GRIK5: variants seen among roughly 807,000 people sequenced by gnomAD.
The protein encoded by GRIK5 is glutamate ionotropic receptor kainate type subunit 5, also known as glutamate receptor ionotropic, kainate 5.
Under a neutral mutation model 97.4 loss-of-function variants are expected in GRIK5, and 43 were observed. That is an observed-to-expected ratio of 0.44 (90% CI 0.35 to 0.57). GRIK5 has a LOEUF of 0.57. Among genes scored for constraint, GRIK5 ranks in the 20% least tolerant of loss-of-function variants. The pLI is 0.01. For synonymous variants in GRIK5, 580 were observed against 583.5 expected (o/e 0.99, Z 0.09); for missense variants, 1,015 against 1,382.0 (o/e 0.73, Z 4.21).
At position 42,022,591 on chromosome 19, in the gene GRIK5, C is replaced by T. The variant is rs2075714481; in HGVS notation, c.1474-237G>A. On this transcript the variant is annotated intron_variant, in intron 12 of 19. Transcript: ENST00000593562. The surrounding 1 kb of genome is among the most constrained non-coding windows in gnomAD (Gnocchi z 4.2). ...CGTCTCCAGACACACTGACTCCGTCCCCTAGGCCTCAACTGTGTCCCAGCA... is the reference window on the plus strand; with the variant it reads ...CGTCTCCAGACACACTGACTCCGTCTCCTAGGCCTCAACTGTGTCCCAGCA... The T allele has an allele frequency of 1.0e-6, 1 of 984,970 alleles. No homozygotes were observed. Among genetic ancestry groups the T allele is most frequent in the Non-Finnish European group, 1.2e-6 (1 of 829,840 alleles). The allele number at this position is 984,970 out of a possible 1,614,324, so 61.0% of individuals were successfully genotyped here. A position where few individuals can be genotyped will look rare whatever the true frequency, so the allele number is the denominator to read the frequency against.
intron 1 of GRIK5, 126 bp downstream of exon 1, chr19:42,069,115 T>C: frequency 2.4e-6 from 1 of 423,304 alleles, no homozygotes; most frequent in Non-Finnish European, 4.2e-6. Context: ...AGCAGGCCCC[T>C]AGTGGGGGAG....
Position 42,069,849 on chromosome 19 carries a change from C to A in GRIK5, c.-659G>T. Among the ~76,000 whole-genome samples, 1 of 151,266 alleles carries A rather than the reference C, an allele frequency of 6.6e-6. No homozygotes were observed. Among genetic ancestry groups the A allele is most frequent in the East Asian group, 2.0e-4 (1 of 5,106 alleles). On this transcript the variant is annotated 5_prime_UTR_variant, in exon 1 of 20. Transcript: ENST00000593562. ...CCCCACGGGAAAAGCATGCTGGGGG[C>A]GGGGAGAGCCCGGGAGTGGAGAGCT... is the stretch of plus-strand genomic sequence containing the variant.
intron 11 of GRIK5, among the ~76,000 whole-genome samples, chr19:42,050,414 C>T: frequency 6.6e-6 from 1 of 151,882 alleles, no homozygotes; most frequent in Non-Finnish European, 1.5e-5. Context: ...AATCCCAGCA[C>T]TTTGGGAGGC....
intron 15 of GRIK5, among the ~76,000 whole-genome samples, chr19:42,007,614 G>A (rs1465841627): frequency 6.6e-6 from 1 of 152,114 alleles, no homozygotes; most frequent in African/African-American, 2.4e-5. Context: ...CTGAGAGGAG[G>A]GAGCTGCAAA....
intron 15 of GRIK5, among the ~76,000 whole-genome samples, chr19:42,014,172 T>C (rs2075598922): frequency 6.7e-6 from 1 of 150,250 alleles, no homozygotes; most frequent in Admixed American, 6.6e-5. Context: ...GGCGGGTGGA[T>C]TGCCTGAGCT....
At chr19:42,045,800 GTATTAT>G (rs2076036432) in intron 11 of GRIK5, among the ~76,000 whole-genome samples, 1 of 152,198 alleles carries the variant, frequency 6.6e-6, no homozygotes, top group Non-Finnish European at 1.5e-5. Flanking sequence ...TGGGATGGCA[GTATTAT>G]TACGTCTCTT....
chr19:42,024,029 T>A (rs944403552), intron 12 of GRIK5, among the ~76,000 whole-genome samples: 1 of 152,154 alleles, frequency 6.6e-6, no homozygotes, highest in African/African-American at 2.4e-5. Context: ...CCAGCCATGA[T>A]GGCCCGTTCT....
chr19:42,042,115 A>C lies in GRIK5; in HGVS notation c.1473+437T>G, dbSNP rs557455309. Among the ~76,000 whole-genome samples the C allele has an allele frequency of 6.6e-6, 1 of 152,310 alleles. No homozygotes were observed. Among genetic ancestry groups the C allele is most frequent in the African/African-American group, 2.4e-5 (1 of 41,578 alleles). On this transcript the variant is annotated intron_variant, in intron 12 of 19. Coordinates refer to ENST00000593562, the MANE Select transcript of GRIK5 (RefSeq NM_002088.5). The surrounding 1 kb of genome is among the most constrained non-coding windows in gnomAD (Gnocchi z 6.9). Reference sequence around the variant, plus strand: ...GTTCTACATGCAGCCCTCCAGGTCCATGATGTGCCAGGCCCTCCCTAGCAG... The same window carrying C: ...GTTCTACATGCAGCCCTCCAGGTCCCTGATGTGCCAGGCCCTCCCTAGCAG...
chr19:42,039,751 G>A (rs2075955418), intron 12 of GRIK5, among the ~76,000 whole-genome samples: 2 of 152,166 alleles, frequency 1.3e-5, no homozygotes, highest in Admixed American at 1.3e-4. Flanking sequence ...AGGCTGAGGT[G>A]GGAGGATTGC....
chr19:42,034,370 T>A (rs893496312), intron 12 of GRIK5, among the ~76,000 whole-genome samples: 2 of 152,052 alleles, frequency 1.3e-5, no homozygotes, highest in South Asian at 2.1e-4. Context: ...CAAGACCCTG[T>A]TTCAAAAACT....
At chr19:42,066,450 T>C (rs1011081999) in intron 1 of GRIK5, among the ~76,000 whole-genome samples, 4 of 131,502 alleles carry the variant, frequency 3.0e-5, no homozygotes, top group Non-Finnish European at 4.7e-5. Flanking sequence ...CATAGATGAA[T>C]GGACCCAGAG....
chr19:42,004,875 A>G (rs1200412085), intron 17 of GRIK5, among the ~76,000 whole-genome samples: 1 of 152,106 alleles, frequency 6.6e-6, no homozygotes, highest in East Asian at 1.9e-4. Context: ...TTGGCCTCCC[A>G]AAGCACTGGA....
Position 42,065,266 on chromosome 19 carries a change from G to A in GRIK5, c.201C>T (p.Ile67=). 1.2e-6 allele frequency: 2 copies of A among 1,613,352 alleles called. No homozygotes were observed. Among genetic ancestry groups the A allele is most frequent in the Non-Finnish European group, 1.7e-6 (2 of 1,179,880 alleles). The part of the protein sequence containing the change: ...VPAKARVEVD[I]FELQRDSQYE... ...ACTGGCTGTCCCGCTGCAGCTCAAA[G>A]ATGTCTACTTCCACTCGGGCCTTGG... The change falls in exon 3 of 20, where the codon ATC becomes ATT. Residue 67 remains isoleucine (I), a synonymous_variant. Coordinates refer to ENST00000593562, the MANE Select transcript of GRIK5 (RefSeq NM_002088.5). The surrounding 1 kb of genome is among the most constrained non-coding windows in gnomAD (Gnocchi z 5.8).
chr19:42,055,137 G>A (rs191474756), intron 8 of GRIK5, among the ~76,000 whole-genome samples: 45 of 152,372 alleles, frequency 3.0e-4, no homozygotes, highest in Non-Finnish European at 5.3e-4. Flanking sequence ...AACAGTGCCT[G>A]GCACACAGTT....
chr19:42,012,743 T>C (rs2075578903), intron 15 of GRIK5, among the ~76,000 whole-genome samples: 1 of 151,718 alleles, frequency 6.6e-6, no homozygotes, highest in African/African-American at 2.4e-5. Flanking sequence ...GGCACGTGCC[T>C]GTGGTTCCAG....
At chr19:42,008,591 C>A (rs2075522568) in intron 15 of GRIK5, among the ~76,000 whole-genome samples, 1 of 152,044 alleles carries the variant, frequency 6.6e-6, no homozygotes, top group Admixed American at 6.6e-5. Flanking sequence ...CACCACTGCA[C>A]TCTGGCCTGG....
At chr19:42,058,433 A>G (rs1279826812) in intron 6 of GRIK5, among the ~76,000 whole-genome samples, 8 of 150,506 alleles carry the variant, frequency 5.3e-5, no homozygotes, top group African/African-American at 1.7e-4. Flanking sequence ...CGCCCGCCTC[A>G]GCCTCCCAAA....
At chr19:42,005,379 G>C (rs2146015632) in intron 17 of GRIK5, among the ~76,000 whole-genome samples, 1 of 152,234 alleles carries the variant, frequency 6.6e-6, no homozygotes, top group East Asian at 1.9e-4. Flanking sequence ...CCAGGCTATA[G>C]GATTTTTCCA....
chr19:42,038,489 C>T (rs1051327897), intron 12 of GRIK5, among the ~76,000 whole-genome samples: 2 of 152,240 alleles, frequency 1.3e-5, no homozygotes, highest in African/African-American at 2.4e-5. Flanking sequence ...TTTGAGAAAA[C>T]GGGGCTAATA....
Sources: gnomAD v4.1 joint callset for allele counts (sites outside exome capture counted in the v4.1 genomes callset) on GRCh38, gnomAD v4.1.1 for gene constraint, Gnocchi (gnomAD v3.1) non-coding constraint, MANE v1.5 for transcripts, NCBI Gene and HGNC (gene_info 2026-07-23, HGNC 2026-07-21) for gene names.